The following ITK variants were observed in gnomAD, a reference collection of about 807,000 sequenced individuals.
The protein encoded by ITK is IL2 inducible T cell kinase, also known as tyrosine-protein kinase ITK/TSK.
A neutral mutation model predicts 87.6 loss-of-function variants in ITK; 45 were observed. The observed-to-expected ratio is 0.51, with a 90% CI of 0.40 to 0.66. The LOEUF is 0.66. Ranked by LOEUF, ITK falls within the 30% of genes least tolerant of loss-of-function variation. The probability of loss-of-function intolerance (pLI) is 0.00; values close to 1 mark genes in which losing one functional copy is unlikely to be tolerated. For synonymous variants in ITK, 303 were observed against 273.6 expected (o/e 1.11, Z -1.06); for missense variants, 605 against 766.3 (o/e 0.79, Z 2.48).
chr5:157,186,817 A>T (rs111852782), intron 1 of ITK, among the ~76,000 whole-genome samples: 3 of 151,940 alleles, frequency 2.0e-5, no homozygotes, highest in African/African-American at 7.2e-5. Flanking sequence ...GACTGCTACC[A>T]CCTCTCATGT....
chr5:157,247,538 C>CCAAA (rs1462336173), intron 15 of ITK, among the ~76,000 whole-genome samples: 2 of 152,180 alleles, frequency 1.3e-5, no homozygotes, highest in Non-Finnish European at 2.9e-5. Flanking sequence ...GTTTATTCAG[C>CCAAA]CAAAGGGTGT....
chr5:157,191,014 G>A (rs2113739503), intron 1 of ITK, among the ~76,000 whole-genome samples: 1 of 152,278 alleles, frequency 6.6e-6, no homozygotes, highest in Middle Eastern at 3.4e-3. Context: ...TTATACAATG[G>A]CCAAGAATAG....
intron 6 of ITK, among the ~76,000 whole-genome samples, chr5:157,225,268 T>A (rs1178781044): frequency 6.6e-6 from 1 of 152,138 alleles, no homozygotes; most frequent in Admixed American, 6.5e-5. Flanking sequence ...GTAGTTGGGA[T>A]TACAGGCATA....
rs147440676 is a variant in ITK at position 157,215,748 on chromosome 5, C to T, written c.454+1429C>T. Among the ~76,000 whole-genome samples, 324 of 152,298 alleles carry T rather than the reference C, an allele frequency of 2.1e-3. 1 individual carries two copies. Among genetic ancestry groups the T allele is most frequent in the African/African-American group, 7.3e-3 (304 of 41,566 alleles). On this transcript the variant is annotated intron_variant, in intron 4 of 16. Transcript: ENST00000422843. Reference sequence around the variant, plus strand: ...ATCAAGGGCCCCAATGTCCTCATCTCAAAAATGGCAGGGAGTTCTGAGGGG... The same window carrying T: ...ATCAAGGGCCCCAATGTCCTCATCTTAAAAATGGCAGGGAGTTCTGAGGGG...
intron 3 of ITK, among the ~76,000 whole-genome samples, chr5:157,212,907 T>C (rs765877575): frequency 6.6e-6 from 1 of 152,052 alleles, no homozygotes; most frequent in Non-Finnish European, 1.5e-5. Flanking sequence ...TCATTGGCCA[T>C]TTGCCCTCTG....
chr5:157,217,110 T>C (rs552594776), intron 4 of ITK, among the ~76,000 whole-genome samples: 27 of 151,680 alleles, frequency 1.8e-4, no homozygotes, highest in Non-Finnish European at 3.7e-4. Context: ...CTTTGATTCA[T>C]TGAGTCCAGG....
In ITK at chr5:157,253,932, C is replaced by T. The variant is rs1230817179; in HGVS notation, c.*1254C>T. The T allele has an allele frequency of 1.4e-5, 3 of 221,824 alleles. No individual in the cohort carries two copies. The highest frequency in any genetic ancestry group is 2.7e-5 in the Non-Finnish European group (3 of 111,042). 13.7% of individuals were successfully genotyped at this position (221,824 alleles called of 1,614,324 possible). A position where few individuals can be genotyped will look rare whatever the true frequency, so the allele number is the denominator to read the frequency against. On this transcript the variant is annotated 3_prime_UTR_variant, in exon 17 of 17. Transcript: ENST00000422843. ...ACTTCCCTGCAAAATCTCTGTTCAC[C>T]CTGGGTTCACATCCCCATGAGGTAA... is the stretch of plus-strand genomic sequence containing the variant.
intron 3 of ITK, 92 bp from the exon 4 acceptor site, chr5:157,214,099 C>G: frequency 2.0e-6 from 2 of 1,010,476 alleles, no homozygotes; most frequent in South Asian, 1.3e-5. Context: ...CAGGCTCACT[C>G]AGCCAGGTCT....
intron 13 of ITK, chr5:157,245,452 C>A: frequency 1.9e-6 from 1 of 536,462 alleles, no homozygotes; most frequent in South Asian, 2.0e-5. Flanking sequence ...TGCATTAGAG[C>A]CTATCTTTGG....
At chr5:157,244,569 TA>T in intron 13 of ITK, 91 bp downstream of exon 13, 1 of 791,802 alleles carries the variant, frequency 1.3e-6, no homozygotes, top group Non-Finnish European at 2.2e-6. Flanking sequence ...AATAATACAT[TA>T]CAGATAATCT....
chr5:157,225,917 G>A (rs1170743835), intron 6 of ITK, among the ~76,000 whole-genome samples: 1 of 152,170 alleles, frequency 6.6e-6, no homozygotes, highest in Non-Finnish European at 1.5e-5. Flanking sequence ...TTCCCCAAAT[G>A]AGAGTTAAAC....
intron 5 of ITK, among the ~76,000 whole-genome samples, chr5:157,219,216 G>A (rs1401590388): frequency 9.3e-5 from 14 of 150,902 alleles, no homozygotes; most frequent in Non-Finnish European, 1.3e-4. Context: ...AGGTTCAAGC[G>A]ATTCTCCTGC....
intron 16 of ITK, among the ~76,000 whole-genome samples, chr5:157,252,318 T>G (rs1755157181): frequency 6.6e-6 from 1 of 152,252 alleles, no homozygotes; most frequent in African/African-American, 2.4e-5. Flanking sequence ...ATGAGGTAGA[T>G]ACTATTATTA....
intron 1 of ITK, among the ~76,000 whole-genome samples, chr5:157,207,198 G>A (rs908036666): frequency 1.3e-5 from 2 of 151,950 alleles, no homozygotes; most frequent in African/African-American, 4.8e-5. Context: ...CTCAGAGACA[G>A]ACTAATTTGC....
chr5:157,227,987 C>T (rs890093040), intron 6 of ITK, among the ~76,000 whole-genome samples: 5 of 151,882 alleles, frequency 3.3e-5, no homozygotes, highest in African/African-American at 1.2e-4. Flanking sequence ...TGTACCACCA[C>T]ACCCGGCTAA....
intron 6 of ITK, among the ~76,000 whole-genome samples, chr5:157,225,320 A>G (rs1171367955): frequency 6.6e-6 from 1 of 152,194 alleles, no homozygotes; most frequent in East Asian, 1.9e-4. Context: ...CTAACTGTGC[A>G]ACAGTTAAGT....
At chr5:157,238,001 C>A in intron 8 of ITK, 108 bp from the exon 9 acceptor site, 1 of 784,806 alleles carries the variant, frequency 1.3e-6, no homozygotes, top group Non-Finnish European at 2.3e-6. Context: ...TGCTCTATGC[C>A]AAGTGGGCCT....
intron 1 of ITK, among the ~76,000 whole-genome samples, chr5:157,183,609 T>C (rs1276271985): frequency 6.6e-6 from 1 of 152,158 alleles, no homozygotes; most frequent in Non-Finnish European, 1.5e-5. Context: ...CATTTTCAAA[T>C]TATGGGAGAT....
chr5:157,232,967 A>T (rs1399547091), intron 8 of ITK, among the ~76,000 whole-genome samples: 1 of 152,186 alleles, frequency 6.6e-6, no homozygotes, highest in Non-Finnish European at 1.5e-5. Flanking sequence ...ACTTGTTTTA[A>T]CTTACATTTC....
Sources: allele counts gnomAD v4.1 joint callset (sites outside exome capture counted in the v4.1 genomes callset), GRCh38; gene constraint gnomAD v4.1.1; transcripts MANE v1.5; gene names NCBI Gene and HGNC (gene_info 2026-07-23, HGNC 2026-07-21).